The following ABLIM1 variants were observed in gnomAD, a reference collection of about 807,000 sequenced individuals.
The protein encoded by ABLIM1 is actin-binding LIM protein 1.
Under a neutral mutation model 107.0 loss-of-function variants are expected in ABLIM1, and 40 were observed. The observed-to-expected ratio is 0.37, with a 90% CI of 0.29 to 0.49. ABLIM1 has a LOEUF of 0.49. Among genes scored for constraint, ABLIM1 ranks in the 20% least tolerant of loss-of-function variants. The pLI is 0.97. For missense variants in ABLIM1, 857 were observed against 1,008.5 expected (o/e 0.85, Z 2.04); for synonymous variants, 357 against 357.3 (o/e 1.00, Z 0.01).
chr10:114,458,300 G>C (rs1322514297), intron 12 of ABLIM1, among the ~76,000 whole-genome samples: 1 of 151,898 alleles, frequency 6.6e-6, no homozygotes, highest in Admixed American at 6.6e-5. Context: ...CTCCTTTCCT[G>C]TTAGCCTAGT....
At position 114,635,586 on chromosome 10, in the gene ABLIM1, A is replaced by C. The variant is rs189759306; in HGVS notation, c.244+22371T>G. The stretch of plus-strand genomic sequence containing the variant: ...GTCACCCAGGCTGGAGTGCAGTGGC[A>C]CATCTCAGGTCACTGCAACCTCCGC... On this transcript the variant is annotated intron_variant, in intron 1 of 22. Transcript: ENST00000533213. Among the ~76,000 whole-genome samples, 13 of 152,302 alleles carry C rather than the reference A, an allele frequency of 8.5e-5. No homozygotes were observed. The East Asian group carries it at 1.7e-3, about 20-fold the overall frequency.
rs1458793779 is a variant in ABLIM1, at chr10:114,564,948, CA to C, written c.673+6348del. Among the ~76,000 whole-genome samples, 4 of 152,292 alleles carry C rather than the reference CA, an allele frequency of 2.6e-5. No homozygotes were observed. The East Asian group carries it at 7.7e-4, about 29-fold the overall frequency. ...ATGTGTCACCAATTTTCTAAGCACC[CA>C]ATTTTTATTAATCTTCACAACTACC... On this transcript the variant is annotated intron_variant, in intron 4 of 22. Coordinates refer to ENST00000533213, the MANE Select transcript of ABLIM1 (RefSeq NM_002313.7).
intron 2 of ABLIM1, among the ~76,000 whole-genome samples, chr10:114,580,501 C>T (rs980115922): frequency 1.3e-5 from 2 of 152,156 alleles, no homozygotes; most frequent in South Asian, 2.1e-4. Context: ...GCATGAACCA[C>T]GGCACCCAGC....
intron 1 of ABLIM1, among the ~76,000 whole-genome samples, chr10:114,710,869 C>G (rs566798269): frequency 6.6e-6 from 1 of 152,222 alleles, no homozygotes; most frequent in Non-Finnish European, 1.5e-5. Flanking sequence ...TATTTGCACA[C>G]TAAGTATTTG....
the ABLIM1 span, among the ~76,000 whole-genome samples, chr10:114,799,366 A>T: frequency 2.0e-5 from 3 of 152,086 alleles, no homozygotes; most frequent in African/African-American, 7.2e-5. Flanking sequence ...TTTCTCATTT[A>T]TATTTCCACA....
chr10:114,496,399 A>G (rs1008822616), intron 6 of ABLIM1, among the ~76,000 whole-genome samples: 1 of 152,182 alleles, frequency 6.6e-6, no homozygotes, highest in African/African-American at 2.4e-5. Flanking sequence ...TAACACAGGA[A>G]CAGAAAACCA....
chr10:114,492,852 T>C (rs1047151097), intron 6 of ABLIM1, among the ~76,000 whole-genome samples: 13 of 152,350 alleles, frequency 8.5e-5, no homozygotes, highest in African/African-American at 3.1e-4. Context: ...CACGTGGTAA[T>C]TCCTTTCTCA....
chr10:114,712,336 G>A (rs1285659533), intron 1 of ABLIM1, among the ~76,000 whole-genome samples: 3 of 112,882 alleles, frequency 2.7e-5, no homozygotes, highest in Non-Finnish European at 4.9e-5. Flanking sequence ...CTGGGTGACA[G>A]AGCGAGACTC....
At chr10:114,534,067 T>C (rs1233604000) in intron 6 of ABLIM1, among the ~76,000 whole-genome samples, 1 of 152,184 alleles carries the variant, frequency 6.6e-6, no homozygotes, top group African/African-American at 2.4e-5. Context: ...TCCCGTGGAA[T>C]TCATTGAAGA....
chr10:114,729,997 G>A (rs1348372991), intron 1 of ABLIM1, among the ~76,000 whole-genome samples: 2 of 152,020 alleles, frequency 1.3e-5, no homozygotes, highest in Non-Finnish European at 2.9e-5. Flanking sequence ...TCATACAAAC[G>A]GTTGTATTTC....
At chr10:114,454,900 T>C (rs2062515604) in intron 12 of ABLIM1, among the ~76,000 whole-genome samples, 1 of 152,200 alleles carries the variant, frequency 6.6e-6, no homozygotes, top group South Asian at 2.1e-4. Context: ...TTTCTCCCAG[T>C]CTGTAGGTTG....
At chr10:114,652,712 T>C (rs2079308287) in intron 1 of ABLIM1, among the ~76,000 whole-genome samples, 1 of 152,222 alleles carries the variant, frequency 6.6e-6, no homozygotes, top group Non-Finnish European at 1.5e-5. Context: ...CTTTTGATAA[T>C]AGTGCCAGTC....
intron 6 of ABLIM1, among the ~76,000 whole-genome samples, chr10:114,504,722 G>C (rs749981146): frequency 3.3e-5 from 5 of 152,146 alleles, no homozygotes; most frequent in African/African-American, 4.8e-5. Flanking sequence ...TGATCAATCT[G>C]TTAGGCTGGA....
chr10:114,592,056 TA>T (rs1450124278), intron 2 of ABLIM1, among the ~76,000 whole-genome samples: 2 of 152,230 alleles, frequency 1.3e-5, no homozygotes, highest in Non-Finnish European at 2.9e-5. Flanking sequence ...TAAGAATTGC[TA>T]ATACAAACTC....
chr10:114,528,351 A>C (rs1464012730), intron 6 of ABLIM1, among the ~76,000 whole-genome samples: 2 of 152,350 alleles, frequency 1.3e-5, no homozygotes, highest in East Asian at 3.9e-4. Context: ...CAGGAAATGA[A>C]AAGACCCTTT....
Position 114,619,308 on chromosome 10 carries a change from T to C in ABLIM1, c.245-17347A>G, listed in dbSNP as rs1418479227. ...ACCTCCCAGGTTCAAGCAATTCTCC[T>C]GCCTCAGCCTCCCGAGCAGCTGGGA... On this transcript the variant is annotated intron_variant, in intron 1 of 22. Coordinates refer to ENST00000533213, the MANE Select transcript of ABLIM1 (RefSeq NM_002313.7). The surrounding 1 kb of genome is among the most constrained non-coding windows in gnomAD (Gnocchi z 4.1). Among the ~76,000 whole-genome samples the C allele has an allele frequency of 2.6e-5, 4 of 151,836 alleles. No individual in the cohort carries two copies. The highest frequency in any genetic ancestry group is 9.7e-5 in the African/African-American group (4 of 41,304).
chr10:114,770,171 G>A (rs2083006147), upstream of ABLIM1, among the ~76,000 whole-genome samples: 1 of 152,088 alleles, frequency 6.6e-6, no homozygotes, highest in Non-Finnish European at 1.5e-5. Flanking sequence ...GGTCCTCACT[G>A]ATCTCCAGAT....
chr10:114,515,020 C>T (rs1021883172), intron 6 of ABLIM1, among the ~76,000 whole-genome samples: 1 of 152,130 alleles, frequency 6.6e-6, no homozygotes, highest in African/African-American at 2.4e-5. Flanking sequence ...AGGAGATCTC[C>T]CAGAACCTGA....
intron 1 of ABLIM1, among the ~76,000 whole-genome samples, chr10:114,693,172 G>A (rs1384692599): frequency 6.6e-6 from 1 of 152,186 alleles, no homozygotes; most frequent in Non-Finnish European, 1.5e-5. Flanking sequence ...ATCGGTGAGG[G>A]ATGCAGCGCG....
Sources: allele counts gnomAD v4.1 joint callset (sites outside exome capture counted in the v4.1 genomes callset), GRCh38; gene constraint gnomAD v4.1.1; non-coding constraint Gnocchi (gnomAD v3.1); transcripts MANE v1.5; gene names NCBI Gene and HGNC (gene_info 2026-07-23, HGNC 2026-07-21).